PAK3: variants seen among roughly 807,000 people sequenced by gnomAD.
PAK3 encodes p21 (RAC1) activated kinase 3, also known as serine/threonine-protein kinase PAK 3.
PAK3 carries 4 observed loss-of-function variants against 41.0 expected under a neutral mutation model. The observed-to-expected ratio is 0.10, with a 90% CI of 0.05 to 0.22. The LOEUF is 0.22. Ranked by LOEUF, PAK3 falls within the 10% of genes least tolerant of loss-of-function variation. The pLI, the probability that PAK3 is intolerant of heterozygous loss-of-function variation, is 1.00. For missense variants in PAK3, 205 were observed against 409.9 expected (o/e 0.50, Z 4.32); for synonymous variants, 146 against 139.6 (o/e 1.05, Z -0.32).
intron 1 of PAK3, among the ~76,000 whole-genome samples, chrX:111,021,774 A>G (rs1349615816): frequency 1.8e-5 from 2 of 110,257 alleles, no homozygotes; most frequent in Non-Finnish European, 3.8e-5. Context: ...GAAATCAGAA[A>G]CATGATATAG....
chrX:110,962,580 T>C (rs544516974), intron 1 of PAK3, among the ~76,000 whole-genome samples: 2 of 112,601 alleles, frequency 1.8e-5, no homozygotes, highest in African/African-American at 6.5e-5. Flanking sequence ...CAGGGACTTA[T>C]AGCAGTGGTT....
chrX:111,184,412 T>C (rs957559920), intron 11 of PAK3, among the ~76,000 whole-genome samples: 11 of 109,873 alleles, frequency 1.0e-4, no homozygotes, highest in Admixed American at 3.9e-4. Flanking sequence ...TTTTTTTTTT[T>C]AATTATACTT....
chrX:111,168,322 T>C (rs1321383296), intron 10 of PAK3, among the ~76,000 whole-genome samples: 2 of 112,012 alleles, frequency 1.8e-5, no homozygotes, highest in African/African-American at 6.5e-5. Context: ...CTGGTATTGC[T>C]TTTTTTTCTT....
At chrX:111,152,111 G>A (rs1432655822) in intron 7 of PAK3, among the ~76,000 whole-genome samples, 1 of 112,167 alleles carries the variant, frequency 8.9e-6, no homozygotes, top group African/African-American at 3.2e-5. Context: ...TACTATAGAT[G>A]TACAGAATCA....
chrX:111,075,664 C>A (rs1366295380), intron 1 of PAK3, among the ~76,000 whole-genome samples: 1 of 112,714 alleles, frequency 8.9e-6, no homozygotes, highest in Admixed American at 9.3e-5. Context: ...GCAGCCCACA[C>A]TCAGAGCCCC....
At chrX:110,993,946 C>T (rs1429525311) in intron 1 of PAK3, among the ~76,000 whole-genome samples, 1 of 111,862 alleles carries the variant, frequency 8.9e-6, no homozygotes, top group African/African-American at 3.2e-5. Context: ...GATATAGAGA[C>T]TGTTACATGA....
At chrX:111,015,736 T>C (rs1218715415) in intron 1 of PAK3, among the ~76,000 whole-genome samples, 4 of 112,335 alleles carry the variant, frequency 3.6e-5, no homozygotes, top group Non-Finnish European at 5.6e-5. Context: ...TTATTAGTCA[T>C]TTGTATATCT....
intron 5 of PAK3, among the ~76,000 whole-genome samples, chrX:111,130,023 T>C (rs933040339): frequency 8.9e-6 from 1 of 112,118 alleles, no homozygotes; most frequent in Non-Finnish European, 1.9e-5. Context: ...CATTGCCTCA[T>C]CTTTGCTTTT....
At chrX:110,956,125 A>G (rs2090852531) in intron 1 of PAK3, among the ~76,000 whole-genome samples, 1 of 112,070 alleles carries the variant, frequency 8.9e-6, no homozygotes, top group Non-Finnish European at 1.9e-5. Context: ...ATTTATGGCA[A>G]CTATTTTTAT....
intron 4 of PAK3, among the ~76,000 whole-genome samples, chrX:111,119,210 T>C (rs1262240397): frequency 8.9e-6 from 1 of 112,054 alleles, no homozygotes; most frequent in Non-Finnish European, 1.9e-5. Context: ...ATTGCAAGTG[T>C]AATTACAGAG....
At chrX:111,090,217 A>T (rs755753210) in intron 1 of PAK3, among the ~76,000 whole-genome samples, 1 of 110,818 alleles carries the variant, frequency 9.0e-6, no homozygotes, top group South Asian at 3.9e-4. Flanking sequence ...TCCCCGGACC[A>T]TGCCCATAAT....
intron 1 of PAK3, among the ~76,000 whole-genome samples, chrX:111,027,707 A>G (rs1452988861): frequency 9.0e-6 from 1 of 111,270 alleles, no homozygotes; most frequent in East Asian, 2.8e-4. Flanking sequence ...GAACACTTTT[A>G]CACTGTTGGT....
At chrX:111,062,469 C>G (rs919472204) in intron 1 of PAK3, among the ~76,000 whole-genome samples, 15 of 112,254 alleles carry the variant, frequency 1.3e-4, no homozygotes, top group Non-Finnish European at 2.6e-4. Context: ...GCATGGGCCC[C>G]TGGGCTGAAG....
At chrX:111,162,617 C>T (rs753051863) in intron 8 of PAK3, among the ~76,000 whole-genome samples, 11 of 111,778 alleles carry the variant, frequency 9.8e-5, no homozygotes, top group Non-Finnish European at 1.5e-4. Flanking sequence ...AAACATTGAA[C>T]TTTAAAATAT....
At chrX:111,138,882 C>T (rs781676632) in intron 5 of PAK3, among the ~76,000 whole-genome samples, 2 of 110,629 alleles carry the variant, frequency 1.8e-5, no homozygotes, top group Admixed American at 9.7e-5. Flanking sequence ...GCAGGAGAAT[C>T]GCTTGAACCC....
Position 111,223,213 on chromosome X carries a change from C to T in PAK3, c.*2766C>T, listed in dbSNP as rs964743243. The stretch of plus-strand genomic sequence containing the variant: ...CTAGTGTGCCCTGAGATAACGAGGG[C>T]ACATCTTTCAATGTTGATTCCAAAA... On this transcript the variant is annotated 3_prime_UTR_variant, in exon 18 of 18. Transcript: ENST00000372007. 1 of 110,833 alleles carries T rather than the reference C, an allele frequency of 9.0e-6. No homozygotes were observed. The highest frequency in any genetic ancestry group is 1.9e-5 in the Non-Finnish European group (1 of 53,052). The allele number at this position is 110,833 out of a possible 1,213,427, so 9.1% of individuals were successfully genotyped here.
At chrX:110,973,858 G>T (rs1055291321) in intron 1 of PAK3, among the ~76,000 whole-genome samples, 6 of 111,661 alleles carry the variant, frequency 5.4e-5, no homozygotes, top group African/African-American at 2.0e-4. Context: ...AAAATAAAGG[G>T]ATGGAGGAAG....
intron 1 of PAK3, among the ~76,000 whole-genome samples, chrX:111,017,331 T>C (rs1035845571): frequency 2.7e-5 from 3 of 110,781 alleles, no homozygotes; most frequent in Non-Finnish European, 3.8e-5. Flanking sequence ...ATCAACAAAA[T>C]TGACAGAGTT....
At chrX:111,088,411 C>T (rs1288579654) in intron 1 of PAK3, among the ~76,000 whole-genome samples, 2 of 111,592 alleles carry the variant, frequency 1.8e-5, no homozygotes, top group African/African-American at 6.5e-5. Flanking sequence ...TAATAATGTC[C>T]CTCCTGGCTT....
Sources: gnomAD v4.1 joint callset for allele counts (sites outside exome capture counted in the v4.1 genomes callset) on GRCh38, gnomAD v4.1.1 for gene constraint, MANE v1.5 for transcripts, NCBI Gene and HGNC (gene_info 2026-07-23, HGNC 2026-07-21) for gene names.